COLQ: variants seen among roughly 807,000 people sequenced by gnomAD.
COLQ encodes acetylcholinesterase collagenic tail peptide.
In COLQ, 48 loss-of-function variants were observed where a neutral mutation model predicts 69.0. The observed-to-expected ratio is 0.70, with a 90% CI of 0.55 to 0.88. COLQ has a LOEUF of 0.88. Among genes scored for constraint, COLQ ranks in the 40% least tolerant of loss-of-function variants. The pLI is 0.00. For missense variants in COLQ, 618 were observed against 594.6 expected (o/e 1.04, Z -0.41); for synonymous variants, 217 against 211.2 (o/e 1.03, Z -0.24).
At chr3:15,479,313 G>T (rs147114462) in intron 4 of COLQ, 25 bp downstream of exon 4, 9 of 1,612,196 alleles carry the variant, frequency 5.6e-6, no homozygotes, top group Admixed American at 1.7e-5. Context: ...AGGAAAGAAG[G>T]GTTGAAGAAA....
intron 11 of COLQ, among the ~76,000 whole-genome samples, chr3:15,467,549 C>G (rs1285692696): frequency 6.6e-6 from 1 of 152,234 alleles, no homozygotes; most frequent in African/African-American, 2.4e-5. Context: ...TCTGCCTATT[C>G]TGGGAGTATC....
rs753904589 is a variant in COLQ at position 15,488,344 on chromosome 3, G to A, written c.220-37C>T. 8.4e-5 allele frequency: 131 copies of A among 1,566,434 alleles called. 2 individuals are homozygous for A. Among genetic ancestry groups the A allele is most frequent in the South Asian group, 7.5e-4 (67 of 89,720 alleles). Reference sequence around the variant, plus strand: ...AGCAACACAGAGTTAGAGGTCAGGCGTAGGGGACAGAGGAAGGGTCACCAT... The same window carrying A: ...AGCAACACAGAGTTAGAGGTCAGGCATAGGGGACAGAGGAAGGGTCACCAT... On this transcript the variant is annotated intron_variant, in intron 2 of 16. Coordinates refer to ENST00000383788, the MANE Select transcript of COLQ (RefSeq NM_005677.4).
intron 1 of COLQ, among the ~76,000 whole-genome samples, chr3:15,517,097 C>T (rs1015963303): frequency 3.3e-5 from 5 of 152,228 alleles, no homozygotes; most frequent in South Asian, 4.2e-4. Context: ...GAGCCGAGAT[C>T]GCACCACTGC....
intron 6 of COLQ, among the ~76,000 whole-genome samples, chr3:15,476,843 G>C (rs1317206180): frequency 6.6e-6 from 1 of 152,188 alleles, no homozygotes; most frequent in Non-Finnish European, 1.5e-5. Context: ...AACCAGAGTG[G>C]GGTGCTAGTT....
intron 1 of COLQ, among the ~76,000 whole-genome samples, chr3:15,492,927 G>A (rs1265183453): frequency 6.6e-6 from 1 of 152,088 alleles, no homozygotes; most frequent in African/African-American, 2.4e-5. Flanking sequence ...CCAATGCTTG[G>A]TGCTTAGCTT....
intron 2 of COLQ, 152 bp downstream of exon 2, chr3:15,489,373 G>A (rs760843094): frequency 2.2e-5 from 16 of 724,650 alleles, no homozygotes; most frequent in African/African-American, 5.2e-5. Flanking sequence ...TGTCCATTCC[G>A]GGGCTCAACT....
intron 3 of COLQ, among the ~76,000 whole-genome samples, chr3:15,481,757 A>G (rs1485132876): frequency 6.6e-6 from 1 of 152,208 alleles, no homozygotes; most frequent in Non-Finnish European, 1.5e-5. Flanking sequence ...GAAGAAAGTC[A>G]TTGGTAGCTT....
intron 3 of COLQ, among the ~76,000 whole-genome samples, chr3:15,483,206 A>C (rs2062520599): frequency 6.6e-6 from 1 of 152,084 alleles, no homozygotes; most frequent in South Asian, 2.1e-4. Context: ...TCGTGTCTCT[A>C]TCTCCATCAG....
At chr3:15,497,925 C>G (rs2062770706) in intron 1 of COLQ, among the ~76,000 whole-genome samples, 1 of 152,172 alleles carries the variant, frequency 6.6e-6, no homozygotes, top group African/African-American at 2.4e-5. Context: ...AAATTCTGAT[C>G]CTAAAAGTTG....
intron 1 of COLQ, chr3:15,498,905 G>C (rs1478835117): frequency 3.9e-6 from 5 of 1,297,582 alleles, no homozygotes. Context: ...TTATCCCCCT[G>C]CAAGCCAAGA....
intron 3 of COLQ, among the ~76,000 whole-genome samples, chr3:15,486,383 C>G (rs1157088551): frequency 6.6e-6 from 1 of 152,164 alleles, no homozygotes. Flanking sequence ...GGTTCACAGA[C>G]CTCACTTTGA....
chr3:15,498,429 G>T, intron 1 of COLQ: 3 of 1,430,146 alleles, frequency 2.1e-6, no homozygotes, highest in Non-Finnish European at 2.9e-6. Flanking sequence ...AGTACAGTCT[G>T]CTTTCCAAGA....
At chr3:15,471,390 T>C (rs1318606691) in intron 10 of COLQ, among the ~76,000 whole-genome samples, 1 of 152,248 alleles carries the variant, frequency 6.6e-6, no homozygotes, top group African/African-American at 2.4e-5. Flanking sequence ...ACAAAACTCA[T>C]TTCTCCATCT....
chr3:15,486,673 C>T (rs1190826720), intron 3 of COLQ, among the ~76,000 whole-genome samples: 2 of 152,204 alleles, frequency 1.3e-5, no homozygotes, highest in Non-Finnish European at 2.9e-5. Context: ...CTGCAGGCTT[C>T]CAAGCTTTTC....
chr3:15,479,032 G>C (rs376638104), intron 4 of COLQ, 29 bp from the exon 5 acceptor site: 24 of 1,613,996 alleles, frequency 1.5e-5, no homozygotes, highest in Non-Finnish European at 2.0e-5. Flanking sequence ...GGTAAGGAGA[G>C]GCTGCTTTGG....
chr3:15,474,067 C>A, intron 9 of COLQ, 32 bp from the exon 10 acceptor site: 2 of 1,614,058 alleles, frequency 1.2e-6, no homozygotes, highest in Non-Finnish European at 1.7e-6. Context: ...ATTGTGATCA[C>A]CTCTGAAATA....
intron 1 of COLQ, among the ~76,000 whole-genome samples, chr3:15,511,367 C>T (rs1183860971): frequency 6.6e-6 from 1 of 152,244 alleles, no homozygotes; most frequent in Admixed American, 6.5e-5. Flanking sequence ...CCAGGGCAGC[C>T]GGCTCCTAAG....
intron 1 of COLQ, among the ~76,000 whole-genome samples, chr3:15,520,464 C>G (rs1172280260): frequency 6.6e-6 from 1 of 152,172 alleles, no homozygotes; most frequent in Non-Finnish European, 1.5e-5. Flanking sequence ...AGAGATGTGC[C>G]CTCTCTGAGA....
At position 15,451,676 on chromosome 3, in the gene COLQ, T is replaced by C; in HGVS notation, c.1336A>G (p.Ile446Val). 1.2e-6 allele frequency: 2 copies of C among 1,614,172 alleles called. No homozygotes were observed. The highest frequency in any genetic ancestry group is 2.2e-5 in the East Asian group (1 of 44,874). ...AAGTAGCGGCAGGGCGTGGAGTCGA[T>C]GTAGCAGTACTGGGTGCATTGCAGG... ...GDLQCTQYCY[I>V]DSTPCRYFT The change falls in exon 17 of 17, where the codon ATC (isoleucine) becomes GTC (valine). Residue 446 changes from isoleucine to valine, a missense_variant. Ile to Val is a conservative substitution (Grantham distance 29, BLOSUM62 3). Transcript: ENST00000383788.
Sources: allele counts gnomAD v4.1 joint callset (sites outside exome capture counted in the v4.1 genomes callset), GRCh38; gene constraint gnomAD v4.1.1; transcripts MANE v1.5; gene names NCBI Gene and HGNC (gene_info 2026-07-23, HGNC 2026-07-21).